Variants in SH3GL2 observed in about 807,000 individuals in gnomAD.
SH3GL2 encodes SH3 domain containing GRB2 like 2, endophilin A1.
SH3GL2 carries 24 observed loss-of-function variants against 46.0 expected under a neutral mutation model. The observed-to-expected ratio is 0.52, with a 90% CI of 0.38 to 0.73. SH3GL2 has a LOEUF of 0.73. SH3GL2 is among the 30% of genes least tolerant of loss of function. The probability of loss-of-function intolerance (pLI) is 0.00; values close to 1 mark genes in which losing one functional copy is unlikely to be tolerated. For synonymous variants in SH3GL2, 196 were observed against 147.1 expected, an observed-to-expected ratio of 1.33 and a Z score of -2.40; for missense variants, 413 against 424.2, an observed-to-expected ratio of 0.97 and a Z score of 0.23.
intron 1 of SH3GL2, among the ~76,000 whole-genome samples, chr9:17,587,936 C>T (rs994774645): frequency 4.0e-5 from 6 of 151,598 alleles, no homozygotes; most frequent in African/African-American, 1.5e-4. Flanking sequence ...ACTTAATAGG[C>T]TTCTGATGTG....
intron 1 of SH3GL2, among the ~76,000 whole-genome samples, chr9:17,719,983 C>G (rs1821854086): frequency 6.6e-6 from 1 of 151,546 alleles, no homozygotes; most frequent in African/African-American, 2.4e-5. Flanking sequence ...AAAAAACCTC[C>G]TCTTTATTTT....
At chr9:17,720,108 T>C (rs573038142) in intron 1 of SH3GL2, among the ~76,000 whole-genome samples, 99 of 152,192 alleles carry the variant, frequency 6.5e-4, no homozygotes, top group African/African-American at 2.3e-3. Context: ...GTTTACTTTA[T>C]TTTGCTTGAT....
At chr9:17,744,836 G>A (rs1054944981) in intron 1 of SH3GL2, among the ~76,000 whole-genome samples, 19 of 152,174 alleles carry the variant, frequency 1.2e-4, no homozygotes, top group African/African-American at 4.1e-4. Flanking sequence ...AATCTGTGAA[G>A]ACTGCTGAAA....
At chr9:17,616,419 C>T (rs955598340) in intron 1 of SH3GL2, among the ~76,000 whole-genome samples, 3 of 152,046 alleles carry the variant, frequency 2.0e-5, no homozygotes, top group African/African-American at 7.3e-5. Context: ...AAATTAAAAT[C>T]AACAAGGAGA....
intron 1 of SH3GL2, among the ~76,000 whole-genome samples, chr9:17,585,974 T>C (rs1818369731): frequency 6.6e-6 from 1 of 152,180 alleles, no homozygotes; most frequent in South Asian, 2.1e-4. Flanking sequence ...AGCTTAAGAA[T>C]GATGTACATG....
At position 17,727,899 on chromosome 9, in the gene SH3GL2, A is replaced by G. The variant is rs1397984930; in HGVS notation, c.46-19167A>G. Among the ~76,000 whole-genome samples the G allele has an allele frequency of 3.9e-5, 6 of 151,940 alleles. No individual in the cohort carries two copies. The East Asian group carries it at 7.8e-4, about 20-fold the overall frequency. On this transcript the variant is annotated intron_variant, in intron 1 of 8. Coordinates refer to ENST00000380607, the MANE Select transcript of SH3GL2 (RefSeq NM_003026.5). ...CACCCAGATAATCTGCTGTCCCTTC[A>G]TCCTCATTCTAGGCTCTGCTTTGGA...
chr9:17,619,859 T>C (rs937405706), intron 1 of SH3GL2, among the ~76,000 whole-genome samples: 2 of 152,216 alleles, frequency 1.3e-5, no homozygotes, highest in Non-Finnish European at 2.9e-5. Context: ...GGCTTTTTAA[T>C]AGACTCTTCA....
intron 2 of SH3GL2, among the ~76,000 whole-genome samples, chr9:17,752,602 A>T (rs945436668): frequency 1.3e-5 from 2 of 152,016 alleles, no homozygotes; most frequent in African/African-American, 4.8e-5. Context: ...GGCTCAAGTG[A>T]TTCTCCTGCC....
chr9:17,622,845 G>A (rs975469464), intron 1 of SH3GL2, among the ~76,000 whole-genome samples: 23 of 152,080 alleles, frequency 1.5e-4, no homozygotes, highest in Non-Finnish European at 3.2e-4. Context: ...TGAAAACCAA[G>A]ACTCAAAGAC....
chr9:17,762,196 C>T (rs969016956), intron 3 of SH3GL2, among the ~76,000 whole-genome samples: 1 of 152,066 alleles, frequency 6.6e-6, no homozygotes, highest in African/African-American at 2.4e-5. Flanking sequence ...CAGTTTCTAA[C>T]CACAGGGCAC....
At chr9:17,603,769 A>G (rs960372294) in intron 1 of SH3GL2, among the ~76,000 whole-genome samples, 1 of 152,128 alleles carries the variant, frequency 6.6e-6, no homozygotes, top group Admixed American at 6.5e-5. Context: ...CTGAGACAGG[A>G]GAATCATTTG....
chr9:17,657,184 C>G (rs1198663512), intron 1 of SH3GL2, among the ~76,000 whole-genome samples: 2 of 152,146 alleles, frequency 1.3e-5, no homozygotes, highest in Non-Finnish European at 2.9e-5. Context: ...TAGTTAGTTG[C>G]CAGGCACTTT....
intron 1 of SH3GL2, among the ~76,000 whole-genome samples, chr9:17,586,515 A>G (rs7848676): frequency 0.24 from 36,045 of 152,158 alleles, 5,271 homozygotes; most frequent in Non-Finnish European, 0.33. Context: ...CATGTTGCTA[A>G]TAAAGGCATA....
At chr9:17,611,460 G>A (rs1256595681) in intron 1 of SH3GL2, among the ~76,000 whole-genome samples, 1 of 152,002 alleles carries the variant, frequency 6.6e-6, no homozygotes, top group Non-Finnish European at 1.5e-5. Flanking sequence ...AACTTTATTG[G>A]CTTCAGTTCC....
At chr9:17,688,392 G>A (rs1820981799) in intron 1 of SH3GL2, among the ~76,000 whole-genome samples, 1 of 152,076 alleles carries the variant, frequency 6.6e-6, no homozygotes, top group South Asian at 2.1e-4. Context: ...TTAGATATAA[G>A]AGAAGTAACG....
At chr9:17,767,369 C>T (rs1235812318) in intron 3 of SH3GL2, among the ~76,000 whole-genome samples, 1 of 152,172 alleles carries the variant, frequency 6.6e-6, no homozygotes, top group Non-Finnish European at 1.5e-5. Flanking sequence ...TGGAAAGATA[C>T]TCTATTAAAA....
intron 1 of SH3GL2, among the ~76,000 whole-genome samples, chr9:17,661,529 T>G (rs1204187837): frequency 6.6e-6 from 1 of 152,214 alleles, no homozygotes; most frequent in Non-Finnish European, 1.5e-5. Flanking sequence ...AAGTGATATA[T>G]ATACATGGCC....
At chr9:17,784,004 A>T (rs1416373132) in intron 3 of SH3GL2, among the ~76,000 whole-genome samples, 1 of 152,202 alleles carries the variant, frequency 6.6e-6, no homozygotes, top group Non-Finnish European at 1.5e-5. Flanking sequence ...AAGATGGTTA[A>T]TTTGGAGGTC....
intron 1 of SH3GL2, among the ~76,000 whole-genome samples, chr9:17,732,802 A>T (rs1190013516): frequency 1.3e-5 from 2 of 152,130 alleles, no homozygotes; most frequent in South Asian, 4.1e-4. Context: ...TTAGCAATAT[A>T]AACAGTTATG....
Sources: allele counts gnomAD v4.1 joint callset (sites outside exome capture counted in the v4.1 genomes callset), GRCh38; gene constraint gnomAD v4.1.1; transcripts MANE v1.5; gene names NCBI Gene and HGNC (gene_info 2026-07-23, HGNC 2026-07-21).